EEF2: variants seen among roughly 807,000 people sequenced by gnomAD.
EEF2 encodes elongation factor 2.
Under a neutral mutation model 85.3 loss-of-function variants are expected in EEF2, and 21 were observed. The observed-to-expected ratio is 0.25, with a 90% CI of 0.17 to 0.35. EEF2 has a LOEUF of 0.35. Among genes scored for constraint, EEF2 ranks in the 10% least tolerant of loss-of-function variants. EEF2 has a pLI of 1.00. For missense variants in EEF2, 825 were observed against 1,225.3 expected, an observed-to-expected ratio of 0.67 and a Z score of 4.88; for synonymous variants, 723 against 508.8, an observed-to-expected ratio of 1.42 and a Z score of -5.67.
rs2039678681 is a variant in EEF2 at position 3,976,273 on chromosome 19, G to C, written c.*281C>G. The C allele has an allele frequency of 2.3e-6, 1 of 434,844 alleles. No homozygotes were observed. Among genetic ancestry groups the C allele is most frequent in the Non-Finnish European group, 4.1e-6 (1 of 242,092 alleles). The allele number at this position is 434,844 out of a possible 1,614,324, so 26.9% of individuals were successfully genotyped here. ...CATCTGAGTTTCCCTCTGAAGAAAT[G>C]GAAAAAGTGTTGGGTGTCCCATCCC... On this transcript the variant is annotated 3_prime_UTR_variant, in exon 15 of 15. Transcript: ENST00000309311.
intron 1 of EEF2, 64 bp downstream of exon 1, chr19:3,985,314 G>A: frequency 7.2e-7 from 1 of 1,381,072 alleles, no homozygotes; most frequent in Non-Finnish European, 9.5e-7. Flanking sequence ...CCCAGGCTAG[G>A]CAGCGTAGGC....
At position 3,982,936 on chromosome 19, in the gene EEF2, G is replaced by A. The variant is rs1599197395; in HGVS notation, c.483C>T (p.Asp161=). Residue 161 remains aspartate, a synonymous_variant, in exon 4 of 15, where the codon GAC becomes GAT. Coordinates refer to ENST00000309311, the MANE Select transcript of EEF2 (RefSeq NM_001961.4). ...CCAGCTGCAGCTCCAGCAGGGCGCG[G>A]TCCATCTTGTTCATCATCAGCACAG... ...IKPVLMMNKM[D]RALLELQLEP... The A allele has an allele frequency of 1.2e-6, 2 of 1,613,352 alleles. No individual in the cohort carries two copies. The highest frequency in any genetic ancestry group is 1.7e-6 in the Non-Finnish European group (2 of 1,179,960).
Position 3,977,199 on chromosome 19 carries a change from C to G in EEF2, c.2383+16G>C. On this transcript the variant is annotated intron_variant, in intron 14 of 14. Transcript: ENST00000309311. The surrounding 1 kb of genome is among the most constrained non-coding windows in gnomAD (Gnocchi z 5.4). ...AGCCTGCCAGGCTCTGCAGGCCACA[C>G]CGGGCAGGCACTCACCAAAGGACTC... 1 of 1,610,892 alleles carries G rather than the reference C, an allele frequency of 6.2e-7. No individual in the cohort carries two copies. The highest frequency in any genetic ancestry group is 1.1e-5 in the South Asian group (1 of 90,840).
intron 4 of EEF2, 45 bp downstream of exon 4, chr19:3,982,762 G>C (rs747051166): frequency 2.5e-6 from 4 of 1,572,900 alleles, no homozygotes; most frequent in Admixed American, 3.6e-5. Flanking sequence ...GGCTCCTGCA[G>C]ATCCCGCTGC....
At chr19:3,982,611 C>T (rs757517148) in intron 4 of EEF2, 187 bp from the exon 5 acceptor site, 1 of 1,046,040 alleles carries the variant, frequency 9.6e-7, no homozygotes. Context: ...GCAGCGTTCC[C>T]TGAGCTCGTC....
chr19:3,981,476 G>A (rs747736401), intron 6 of EEF2, 24 bp from the exon 7 acceptor site: 3 of 1,606,956 alleles, frequency 1.9e-6, no homozygotes, highest in Non-Finnish European at 2.6e-6. Context: ...CAAGAAACAA[G>A]AAAGCCCATT....
Position 3,978,125 on chromosome 19 carries a change from C to A in EEF2, c.1761G>T (p.Ser587=). The A allele has an allele frequency of 6.7e-7, 1 of 1,491,984 alleles. No individual in the cohort carries two copies. The highest frequency in any genetic ancestry group is 1.3e-5 in the South Asian group (1 of 74,518). The allele number at this position is 1,491,984 out of a possible 1,614,324, so 92.4% of individuals were successfully genotyped here. ...GGGACTTGGAGAGGCAGAGCACGTT[C>A]GACTCTTCACTGACCGTCTCGCGGT... ...VSYRETVSEE[S]NVLCLSKSPN... The change falls in exon 12 of 15, where the codon TCG becomes TCT. Residue 587 remains serine (S), a synonymous_variant. Coordinates refer to ENST00000309311, the MANE Select transcript of EEF2 (RefSeq NM_001961.4).
intron 2 of EEF2, chr19:3,983,774 A>C: frequency 2.9e-6 from 1 of 343,454 alleles, no homozygotes. Context: ...ACTGACATGG[A>C]ATGAACATCA....
At chr19:3,981,017 A>T in intron 7 of EEF2, 38 bp from the exon 8 acceptor site, 1 of 1,549,960 alleles carries the variant, frequency 6.5e-7, no homozygotes, top group Non-Finnish European at 8.7e-7. Flanking sequence ...ACACCTGGGG[A>T]GCCCAGGATG....
chr19:3,984,842 A>C, intron 1 of EEF2: 1 of 177,040 alleles, frequency 5.6e-6, no homozygotes, highest in Non-Finnish European at 1.2e-5. Flanking sequence ...ACAAGCCTAC[A>C]CCTCGTGTCT....
At position 3,977,476 on chromosome 19, in the gene EEF2, C is replaced by A; in HGVS notation, c.2202G>T (p.Leu734=). The A allele has an allele frequency of 6.3e-7, 1 of 1,585,106 alleles. No individual in the cohort carries two copies. The highest frequency in any genetic ancestry group is 8.6e-7 in the Non-Finnish European group (1 of 1,168,304). The change falls in exon 13 of 15, where the codon CTG becomes CTT. Residue 734 remains leucine (L), a synonymous_variant. Coordinates refer to ENST00000309311, the MANE Select transcript of EEF2 (RefSeq NM_001961.4). The surrounding 1 kb of genome is among the most constrained non-coding windows in gnomAD (Gnocchi z 5.4). ...TARRCLYASV[L]TAQPRLMEPI... ...GCTCCATGAGGCGTGGCTGGGCGGT[C>A]AGCACACTGGCATAGAGGCAGCGCC...
At chr19:3,984,665 A>G in intron 1 of EEF2, 1 of 338,132 alleles carries the variant, frequency 3.0e-6, no homozygotes, top group Non-Finnish European at 5.6e-6. Context: ...CAAACACGTA[A>G]GGGATGAATC....
chr19:3,982,756 CCTGCAGATCCCG>C, intron 4 of EEF2, 39 bp downstream of exon 4: 1 of 1,563,826 alleles, frequency 6.4e-7, no homozygotes, highest in Non-Finnish European at 8.6e-7. Context: ...CCCACCGGCT[CCTGCAGATCCCG>C]CTGCGGCAAG....
chr19:3,976,399 T>C lies in EEF2; in HGVS notation c.*155A>G, dbSNP rs549593173. The C allele has an allele frequency of 5.5e-6, 4 of 730,996 alleles. No homozygotes were observed. The Admixed American group carries it at 8.7e-5, about 16-fold the overall frequency. 45.3% of individuals were successfully genotyped at this position (730,996 alleles called of 1,614,324 possible). On this transcript the variant is annotated 3_prime_UTR_variant, in exon 15 of 15. Coordinates refer to ENST00000309311, the MANE Select transcript of EEF2 (RefSeq NM_001961.4). ...ATATTGAAAGAAACGGCATCAAGTG[T>C]TATGGTTGAGTGATGGCACGCAGCG...
chr19:3,984,537 A>T (rs577558172), intron 1 of EEF2, among the ~76,000 whole-genome samples, 187 bp from the exon 2 acceptor site: 1 of 152,324 alleles, frequency 6.6e-6, no homozygotes, highest in African/African-American at 2.4e-5. Context: ...CCAAGGAACC[A>T]CCGTTAATAG....
In EEF2 at chr19:3,982,020, T is replaced by C; in HGVS notation, c.824A>G (p.Lys275Arg). The C allele has an allele frequency of 6.2e-7, 1 of 1,614,154 alleles. No individual in the cohort carries two copies. Among genetic ancestry groups the C allele is most frequent in the Middle Eastern group, 1.7e-4 (1 of 6,060 alleles). Reference sequence around the variant, plus strand: ...CTTCCCTTCGGGGCTGGTGGCTGACTTGCTGAACTTGCCGTTGGCTGGGTC... The same window carrying C: ...CTTCCCTTCGGGGCTGGTGGCTGACCTGCTGAACTTGCCGTTGGCTGGGTC... The part of the protein sequence containing the change: ...YFDPANGKFS[K>R]SATSPEGKKL... Residue 275 changes from lysine (K) to arginine (R), a missense_variant, in exon 6 of 15, where the codon AAG (lysine) becomes AGG (arginine). Physicochemically the swap from Lys to Arg is conservative, Grantham distance 26. Coordinates refer to ENST00000309311, the MANE Select transcript of EEF2 (RefSeq NM_001961.4).
chr19:3,985,387 G>A lies in EEF2; in HGVS notation c.-7C>T. ...AGGCAGGGTTACTCACCATGGTGGC[G>A]GATGGCGGTGGATTCTCCCAGGTAG... On this transcript the variant is annotated 5_prime_UTR_variant, in exon 1 of 15. Transcript: ENST00000309311. 2.0e-6 allele frequency: 3 copies of A among 1,512,346 alleles called. No homozygotes were observed. Among genetic ancestry groups the A allele is most frequent in the Admixed American group, 2.1e-5 (1 of 46,980 alleles). The allele number at this position is 1,512,346 out of a possible 1,614,324, so 93.7% of individuals were successfully genotyped here.
intron 6 of EEF2, among the ~76,000 whole-genome samples, 178 bp from the exon 7 acceptor site, chr19:3,981,630 C>G (rs536772077): frequency 3.7e-4 from 56 of 152,348 alleles, no homozygotes; most frequent in Admixed American, 2.2e-3. Context: ...CTGGAGGAAA[C>G]CTCGTGGTGG....
chr19:3,976,815 A>G, intron 14 of EEF2, 68 bp from the exon 15 acceptor site: 1 of 1,440,478 alleles, frequency 6.9e-7, no homozygotes, highest in East Asian at 2.5e-5. Context: ...AAGTCCTGTC[A>G]GGAGCTCAGG....
Sources: allele counts gnomAD v4.1 joint callset (sites outside exome capture counted in the v4.1 genomes callset), GRCh38; gene constraint gnomAD v4.1.1; non-coding constraint Gnocchi (gnomAD v3.1); transcripts MANE v1.5; gene names NCBI Gene and HGNC (gene_info 2026-07-23, HGNC 2026-07-21).